The following FAT3 variants were observed in gnomAD, a reference collection of about 807,000 sequenced individuals.
FAT3 encodes the protein protocadherin Fat 3.
In FAT3, 95 loss-of-function variants were observed where a neutral mutation model predicts 310.2. The ratio of observed to expected loss-of-function variants is 0.31; its 90% confidence interval spans 0.26 to 0.36. The LOEUF is 0.36. FAT3 is among the 10% of genes least tolerant of loss of function. The probability of loss-of-function intolerance (pLI) is 1.00; values close to 1 mark genes in which losing one functional copy is unlikely to be tolerated. For missense variants in FAT3, 5,408 were observed against 5,715.6 expected (o/e 0.95, Z 1.74); for synonymous variants, 2,314 against 2,192.9 (o/e 1.06, Z -1.54).
intron 2 of FAT3, chr11:92,407,907 C>T (rs1406981005): frequency 6.6e-6 from 1 of 152,148 alleles, no homozygotes; most frequent in African/African-American, 2.4e-5. Flanking sequence ...CAAAAGGAAG[C>T]TTTTGCTGCA....
At chr11:92,379,409 CTT>C (rs1248414308) in intron 2 of FAT3, among the ~76,000 whole-genome samples, 1 of 152,110 alleles carries the variant, frequency 6.6e-6, no homozygotes, top group Non-Finnish European at 1.5e-5. Context: ...ATGGAGTTAT[CTT>C]TTTTGACTGG....
At chr11:92,505,606 C>A (rs1419805953) in intron 2 of FAT3, among the ~76,000 whole-genome samples, 2 of 152,114 alleles carry the variant, frequency 1.3e-5, no homozygotes, top group East Asian at 3.9e-4. Flanking sequence ...TATGGGATTC[C>A]TACTATTTTA....
At chr11:92,659,009 C>G (rs1942679701) in intron 3 of FAT3, among the ~76,000 whole-genome samples, 1 of 151,988 alleles carries the variant, frequency 6.6e-6, no homozygotes, top group Non-Finnish European at 1.5e-5. Flanking sequence ...TCATCAAATC[C>G]TCACTATCTA....
At position 92,797,718 on chromosome 11, in the gene FAT3, T is replaced by G. The variant is rs1313418777; in HGVS notation, c.4823-118T>G. 9 of 818,432 alleles carry G rather than the reference T, an allele frequency of 1.1e-5. No individual in the cohort carries two copies. In the South Asian group the frequency reaches 1.5e-4, roughly 13 times the overall value. The allele number at this position is 818,432 out of a possible 1,614,324, so 50.7% of individuals were successfully genotyped here. ...TTTATTTCAGAATGACACAGATGAG[T>G]ACTATAATTGCTTTCTACTTGCCAC... On this transcript the variant is annotated intron_variant, in intron 9 of 27. Coordinates refer to ENST00000525166, the MANE Select transcript of FAT3 (RefSeq NM_001367949.2).
At chr11:92,288,340 G>T (rs1386355864) in intron 1 of FAT3, among the ~76,000 whole-genome samples, 1 of 152,120 alleles carries the variant, frequency 6.6e-6, no homozygotes, top group Non-Finnish European at 1.5e-5. Context: ...TTTTAGTTGA[G>T]CAAGATGAGT....
chr11:92,278,377 A>C (rs986772553), intron 1 of FAT3, among the ~76,000 whole-genome samples: 1 of 151,994 alleles, frequency 6.6e-6, no homozygotes, highest in Admixed American at 6.6e-5. Context: ...TCTCATTTTT[A>C]TGCTTCGCCA....
chr11:92,428,527 T>C lies in FAT3; in HGVS notation c.3292+73123T>C, dbSNP rs149722071. On this transcript the variant is annotated intron_variant, in intron 2 of 27. Transcript: ENST00000525166. ...TTTCTCCTGTGGGCATTTAGTGCTG[T>C]AAATTTCCCTCTAAACACTGCTTTA... Among the ~76,000 whole-genome samples, 71 of 152,312 alleles carry C rather than the reference T, an allele frequency of 4.7e-4. No individual in the cohort carries two copies. In the East Asian group the frequency reaches 0.013, roughly 28 times the overall value.
chr11:92,405,281 C>G (rs7106911), intron 2 of FAT3, among the ~76,000 whole-genome samples: 4,787 of 152,212 alleles, frequency 0.031, 223 homozygotes, highest in African/African-American at 0.095. Flanking sequence ...TCTAGAGGAT[C>G]ACAGGCATCA....
intron 8 of FAT3, among the ~76,000 whole-genome samples, chr11:92,792,460 G>A (rs1473832519): frequency 6.6e-6 from 1 of 152,116 alleles, no homozygotes; most frequent in African/African-American, 2.4e-5. Flanking sequence ...CCACTATATG[G>A]GGAGAGCCAG....
At chr11:92,452,639 G>A (rs1392934179) in intron 2 of FAT3, among the ~76,000 whole-genome samples, 2 of 152,150 alleles carry the variant, frequency 1.3e-5, no homozygotes, top group African/African-American at 2.4e-5. Context: ...CCGTGATTCA[G>A]TTAATGATAA....
chr11:92,345,045 A>G (rs1245187099), intron 1 of FAT3, among the ~76,000 whole-genome samples: 1 of 152,142 alleles, frequency 6.6e-6, no homozygotes, highest in Non-Finnish European at 1.5e-5. Flanking sequence ...CCTAAAGAGT[A>G]TTTTAGTTGC....
intron 2 of FAT3, among the ~76,000 whole-genome samples, chr11:92,427,133 T>A (rs542522395): frequency 3.7e-4 from 56 of 152,260 alleles, no homozygotes; most frequent in African/African-American, 1.3e-3. Context: ...ATTCACTTTG[T>A]AGCAATTGTG....
intron 24 of FAT3, among the ~76,000 whole-genome samples, chr11:92,884,697 G>T (rs1949760106): frequency 6.6e-6 from 1 of 152,188 alleles, no homozygotes; most frequent in Admixed American, 6.5e-5. Flanking sequence ...ACACTTTGGA[G>T]ATGCCCTCCC....
rs1591252852 is a variant in FAT3 at position 92,412,746 on chromosome 11, A to AT, written c.3292+57342_3292+57343insT. Among the ~76,000 whole-genome samples, 74 of 18,028 alleles carry AT rather than the reference A, an allele frequency of 4.1e-3. 2 individuals carry two copies. The highest frequency in any genetic ancestry group is 7.4e-3 in the South Asian group (4 of 544). 11.8% of individuals were successfully genotyped at this position (18,028 alleles called of 152,430 possible). A position where few individuals can be genotyped will look rare whatever the true frequency, so the allele number is the denominator to read the frequency against. On this transcript the variant is annotated intron_variant, in intron 2 of 27. Coordinates refer to ENST00000525166, the MANE Select transcript of FAT3 (RefSeq NM_001367949.2). ...ATATATATATATATATATATATATA[A>AT]ATATACATACATATATATATATTTA... is the stretch of plus-strand genomic sequence containing the variant.
chr11:92,532,225 A>G (rs1014983192), intron 3 of FAT3, among the ~76,000 whole-genome samples: 2 of 152,136 alleles, frequency 1.3e-5, no homozygotes, highest in African/African-American at 4.8e-5. Flanking sequence ...GGAATGTTAC[A>G]CAAAGAGGCC....
At chr11:92,745,922 C>T (rs989448671) in intron 4 of FAT3, among the ~76,000 whole-genome samples, 7 of 152,168 alleles carry the variant, frequency 4.6e-5, no homozygotes, top group African/African-American at 1.7e-4. Flanking sequence ...TCATGGGTAC[C>T]TGGAAAGGGT....
At chr11:92,486,944 G>A (rs1039843647) in intron 2 of FAT3, among the ~76,000 whole-genome samples, 1 of 152,128 alleles carries the variant, frequency 6.6e-6, no homozygotes, top group Non-Finnish European at 1.5e-5. Context: ...AAATATTGGG[G>A]AGCCTAACCC....
intron 4 of FAT3, among the ~76,000 whole-genome samples, chr11:92,748,128 G>A (rs534288838): frequency 6.6e-6 from 1 of 152,312 alleles, no homozygotes; most frequent in South Asian, 2.1e-4. Context: ...AAGGAAAGAG[G>A]TTTAATTGAC....
At chr11:92,416,924 T>A (rs1950430008) in intron 2 of FAT3, among the ~76,000 whole-genome samples, 1 of 152,134 alleles carries the variant, frequency 6.6e-6, no homozygotes, top group African/African-American at 2.4e-5. Flanking sequence ...CCAGGACAGA[T>A]GTGGGAAGTT....
Sources: gnomAD v4.1 joint callset for allele counts (sites outside exome capture counted in the v4.1 genomes callset) on GRCh38, gnomAD v4.1.1 for gene constraint, MANE v1.5 for transcripts, NCBI Gene and HGNC (gene_info 2026-07-23, HGNC 2026-07-21) for gene names.